Variants in ANO2 observed in about 807,000 individuals in gnomAD.
ANO2 encodes the protein anoctamin-2.
In ANO2, 101 loss-of-function variants were observed where a neutral mutation model predicts 124.2. The ratio of observed to expected loss-of-function variants is 0.81; its 90% CI spans 0.69 to 0.96. The LOEUF is 0.96. ANO2 is among the 40% of genes least tolerant of loss of function. The pLI is 0.00. For missense variants in ANO2, 1,293 were observed against 1,274.5 expected, an observed-to-expected ratio of 1.01 and a Z score of -0.22; for synonymous variants, 486 against 482.5, an observed-to-expected ratio of 1.01 and a Z score of -0.09.
chr12:5,771,699 G>A (rs1246611014), intron 10 of ANO2, among the ~76,000 whole-genome samples: 1 of 152,158 alleles, frequency 6.6e-6, no homozygotes, highest in East Asian at 1.9e-4. Context: ...AGAATGGCTT[G>A]AACCTGGGAG....
chr12:5,852,026 G>A, intron 4 of ANO2: 1 of 711,860 alleles, frequency 1.4e-6, no homozygotes. Flanking sequence ...GAGGTTAAGA[G>A]AACATTACAC....
At chr12:5,669,812 C>T (rs1044123870) in intron 14 of ANO2, among the ~76,000 whole-genome samples, 1 of 152,216 alleles carries the variant, frequency 6.6e-6, no homozygotes, top group African/African-American at 2.4e-5. Context: ...TGTCATGTGA[C>T]TCAGTGCATA....
intron 13 of ANO2, among the ~76,000 whole-genome samples, chr12:5,737,404 G>A (rs1442297554): frequency 1.3e-5 from 2 of 152,172 alleles, no homozygotes; most frequent in African/African-American, 4.8e-5. Context: ...AAGAAAAATG[G>A]ATTATAATCT....
chr12:5,774,285 C>T (rs934004648), intron 10 of ANO2, among the ~76,000 whole-genome samples: 6 of 151,948 alleles, frequency 3.9e-5, no homozygotes, highest in East Asian at 1.9e-4. Flanking sequence ...CAAAACCCCA[C>T]GTCAACAACA....
intron 3 of ANO2, among the ~76,000 whole-genome samples, chr12:5,863,406 G>C (rs1398668303): frequency 1.3e-5 from 2 of 152,202 alleles, no homozygotes; most frequent in Non-Finnish European, 2.9e-5. Context: ...CCCCGGGAAG[G>C]CCATGGGTTC....
intron 1 of ANO2, among the ~76,000 whole-genome samples, chr12:5,932,440 A>G (rs1452449221): frequency 4.0e-5 from 6 of 149,296 alleles, no homozygotes; most frequent in African/African-American, 1.5e-4. Flanking sequence ...AGTGACTAAT[A>G]AGGAAAGAAG....
In ANO2 at chr12:5,922,997, G is replaced by GC. The variant is rs201139186; in HGVS notation, c.23-194dup. On this transcript the variant is annotated intron_variant, in intron 1 of 24. Transcript: ENST00000682330. ...AAGGGAGCATGGAAAAGGAAGTGCG[G>GC]CCCCCCGACTGCATACACACACGCA... Among the ~76,000 whole-genome samples the GC allele has an allele frequency of 6.6e-3, 998 of 151,318 alleles. 5 individuals carry two copies. Among genetic ancestry groups the GC allele is most frequent in the Middle Eastern group, 6.8e-3 (2 of 292 alleles).
chr12:5,761,240 T>C (rs1175596158), intron 10 of ANO2, among the ~76,000 whole-genome samples: 1 of 152,060 alleles, frequency 6.6e-6, no homozygotes. Flanking sequence ...AATGTAAATA[T>C]CTAAGGAGTT....
intron 10 of ANO2, among the ~76,000 whole-genome samples, chr12:5,792,861 C>CAG (rs1195347046): frequency 1.3e-5 from 2 of 152,152 alleles, no homozygotes; most frequent in African/African-American, 4.8e-5. Context: ...ACATCATCTC[C>CAG]GTATCCCCAG....
intron 15 of ANO2, among the ~76,000 whole-genome samples, chr12:5,642,623 A>T (rs1946439755): frequency 6.6e-6 from 1 of 152,110 alleles, no homozygotes; most frequent in Non-Finnish European, 1.5e-5. Context: ...TTCTCACCCC[A>T]GCAGCCAGAA....
chr12:5,620,907 C>A (rs1196249017), intron 16 of ANO2, among the ~76,000 whole-genome samples: 1 of 152,166 alleles, frequency 6.6e-6, no homozygotes, highest in African/African-American at 2.4e-5. Flanking sequence ...AGATCTTTAG[C>A]TTCTTAGGCC....
At chr12:5,789,635 T>A (rs1190131287) in intron 10 of ANO2, among the ~76,000 whole-genome samples, 1 of 152,164 alleles carries the variant, frequency 6.6e-6, no homozygotes, top group Non-Finnish European at 1.5e-5. Context: ...CTTGAGATAA[T>A]CCCAAGTAGG....
chr12:5,765,103 A>G (rs1040671768), intron 10 of ANO2, among the ~76,000 whole-genome samples: 5 of 152,250 alleles, frequency 3.3e-5, no homozygotes, highest in Admixed American at 3.3e-4. Context: ...GGAAGGAAGA[A>G]AGGGCAGAAT....
chr12:5,751,652 G>C (rs1034979520), intron 10 of ANO2, among the ~76,000 whole-genome samples: 17 of 152,072 alleles, frequency 1.1e-4, no homozygotes, highest in Non-Finnish European at 1.0e-4. Flanking sequence ...ACTCCATAAA[G>C]TTATCCAGTA....
chr12:5,690,554 A>G (rs1948885724), intron 14 of ANO2, among the ~76,000 whole-genome samples: 2 of 152,150 alleles, frequency 1.3e-5, no homozygotes, highest in Admixed American at 1.3e-4. Flanking sequence ...ATTCCAGCTA[A>G]GGCATCAGCC....
intron 22 of ANO2, among the ~76,000 whole-genome samples, chr12:5,577,361 G>A (rs2136840159): frequency 6.6e-6 from 1 of 152,336 alleles, no homozygotes; most frequent in East Asian, 1.9e-4. Context: ...GCCCTTCCTG[G>A]CCACTGTCCT....
intron 1 of ANO2, among the ~76,000 whole-genome samples, chr12:5,937,842 A>AG (rs1942718743): frequency 6.6e-6 from 1 of 152,150 alleles, no homozygotes; most frequent in South Asian, 2.1e-4. Context: ...AGTGTTCTTC[A>AG]GGGACCATCC....
intron 3 of ANO2, among the ~76,000 whole-genome samples, chr12:5,871,629 T>G (rs1937703478): frequency 6.6e-6 from 1 of 152,160 alleles, no homozygotes; most frequent in Non-Finnish European, 1.5e-5. Flanking sequence ...TTATGAGAAT[T>G]TAATGCCTGA....
chr12:5,652,371 A>G (rs1946954583), intron 14 of ANO2, among the ~76,000 whole-genome samples: 1 of 152,142 alleles, frequency 6.6e-6, no homozygotes, highest in South Asian at 2.1e-4. Context: ...ATTTTTCACA[A>G]CCAATGAACC....
Sources: gnomAD v4.1 joint callset for allele counts (sites outside exome capture counted in the v4.1 genomes callset) on GRCh38, gnomAD v4.1.1 for gene constraint, MANE v1.5 for transcripts, NCBI Gene and HGNC (gene_info 2026-07-23, HGNC 2026-07-21) for gene names.